GABRB3: variants seen among roughly 807,000 people sequenced by gnomAD.
GABRB3 encodes gamma-aminobutyric acid receptor subunit beta-3.
GABRB3 carries 14 observed loss-of-function variants against 52.1 expected under a neutral mutation model. The observed-to-expected ratio is 0.27, with a 90% confidence interval of 0.18 to 0.42. The LOEUF (loss-of-function observed/expected upper bound fraction) is 0.42. Ranked by LOEUF, GABRB3 falls within the 10% of genes least tolerant of loss-of-function variation. The pLI is 1.00. For missense variants in GABRB3, 307 were observed against 609.1 expected, an observed-to-expected ratio of 0.50 and a Z score of 5.22; for synonymous variants, 260 against 232.3, an observed-to-expected ratio of 1.12 and a Z score of -1.08.
chr15:26,718,558 C>T (rs972439999), intron 3 of GABRB3, among the ~76,000 whole-genome samples: 4 of 152,126 alleles, frequency 2.6e-5, no homozygotes, highest in African/African-American at 9.7e-5. Context: ...ACTAACGCTG[C>T]AAAACATTTT....
intron 8 of GABRB3, among the ~76,000 whole-genome samples, chr15:26,560,427 C>A (rs1889935607): frequency 6.6e-6 from 1 of 152,166 alleles, no homozygotes; most frequent in South Asian, 2.1e-4. Context: ...CAGCCCCAGT[C>A]CAAATGCCCT....
intron 3 of GABRB3, among the ~76,000 whole-genome samples, chr15:26,653,254 G>T (rs1887252930): frequency 6.6e-6 from 1 of 152,184 alleles, no homozygotes; most frequent in Admixed American, 6.5e-5. Flanking sequence ...GAGTCATGCA[G>T]AAAGAGGCCA....
chr15:26,687,728 C>T (rs908564206), intron 3 of GABRB3, among the ~76,000 whole-genome samples: 2 of 152,156 alleles, frequency 1.3e-5, no homozygotes, highest in South Asian at 2.1e-4. Context: ...TTTTCCACAC[C>T]GATTGCTTCT....
At chr15:26,595,033 T>C (rs1464181719) in intron 4 of GABRB3, among the ~76,000 whole-genome samples, 1 of 151,990 alleles carries the variant, frequency 6.6e-6, no homozygotes, top group East Asian at 1.9e-4. Context: ...GTGCATGGAG[T>C]TTTAAGTACT....
intron 3 of GABRB3, among the ~76,000 whole-genome samples, chr15:26,685,303 G>A (rs1888366953): frequency 6.6e-6 from 1 of 152,218 alleles, no homozygotes; most frequent in Non-Finnish European, 1.5e-5. Context: ...TCATAGCAGA[G>A]CTGAGGAATC....
At chr15:26,627,509 A>T (rs1892751022) in intron 3 of GABRB3, among the ~76,000 whole-genome samples, 1 of 151,740 alleles carries the variant, frequency 6.6e-6, no homozygotes, top group Non-Finnish European at 1.5e-5. Flanking sequence ...AACATTCATG[A>T]TTTATAGGAG....
At chr15:26,600,056 G>A (rs1185250061) in intron 4 of GABRB3, among the ~76,000 whole-genome samples, 1 of 151,768 alleles carries the variant, frequency 6.6e-6, no homozygotes, top group East Asian at 1.9e-4. Context: ...AAAAGAACCA[G>A]ATACAAATCT....
At chr15:26,625,986 T>A (rs905116885) in intron 3 of GABRB3, among the ~76,000 whole-genome samples, 1 of 152,204 alleles carries the variant, frequency 6.6e-6, no homozygotes, top group East Asian at 1.9e-4. Flanking sequence ...AGATACTGCA[T>A]TTTTAACAAT....
intron 4 of GABRB3, chr15:26,615,276 G>C: frequency 4.1e-6 from 4 of 985,168 alleles, no homozygotes; most frequent in Non-Finnish European, 4.8e-6. Flanking sequence ...TTCCTTAAAT[G>C]GTTTGACTGT....
At chr15:26,754,661 T>C (rs1406799004) in intron 3 of GABRB3, among the ~76,000 whole-genome samples, 1 of 152,178 alleles carries the variant, frequency 6.6e-6, no homozygotes, top group Non-Finnish European at 1.5e-5. Context: ...ATGTTACCCA[T>C]GTAGGCAAAG....
At chr15:26,764,182 ATATATATATAT>A (rs1890927091) in intron 3 of GABRB3, among the ~76,000 whole-genome samples, 1 of 4,562 alleles carries the variant, frequency 2.2e-4, no homozygotes, top group African/African-American at 9.7e-4. Context: ...AAAAAAAAAT[ATATATATATAT>A]ATATATATAT....
At chr15:26,579,753 G>A (rs80351451) in intron 6 of GABRB3, among the ~76,000 whole-genome samples, 1,525 of 152,298 alleles carry the variant, frequency 0.01, 33 homozygotes, top group African/African-American at 0.035. Context: ...AGCAGAAGAC[G>A]CCATCTCAAT....
At position 26,547,984 on chromosome 15, in the gene GABRB3, C is replaced by T; in HGVS notation, c.1231G>A (p.Gly411Arg). 1.2e-6 allele frequency: 2 copies of T among 1,614,188 alleles called. No individual in the cohort carries two copies. The highest frequency in any genetic ancestry group is 1.7e-6 in the Non-Finnish European group (2 of 1,180,044). Residue 411 changes from glycine (G) to arginine (R), a missense_variant, in exon 9 of 9, where the codon GGG becomes AGG. Transcript: ENST00000311550. ...CTGTCCCCCAGGAATCGCCCATGCC[C>T]TTCTCGAGGCATGCTCTGTTTCCTG... is the stretch of plus-strand genomic sequence containing the variant. Reference protein sequence around the residue: ...QYRKQSMPREGHGRFLGDRSL... With the variant: ...QYRKQSMPRERHGRFLGDRSL...
At chr15:26,699,636 A>G (rs1888862481) in intron 3 of GABRB3, among the ~76,000 whole-genome samples, 2 of 152,202 alleles carry the variant, frequency 1.3e-5, no homozygotes, top group African/African-American at 4.8e-5. Flanking sequence ...TTCTAGAAAT[A>G]AAATCAATAA....
chr15:26,650,528 C>T (rs537485490), intron 3 of GABRB3, among the ~76,000 whole-genome samples: 1 of 152,156 alleles, frequency 6.6e-6, no homozygotes, highest in South Asian at 2.1e-4. Flanking sequence ...AGCCAAATGC[C>T]TAGACAGATG....
At chr15:26,771,478 T>C (rs1474217017) in intron 3 of GABRB3, among the ~76,000 whole-genome samples, 2 of 152,192 alleles carry the variant, frequency 1.3e-5, no homozygotes, top group Admixed American at 6.5e-5. Flanking sequence ...TGCCAAACAA[T>C]TTCTTCCAAA....
chr15:26,598,898 T>C (rs187418077), intron 4 of GABRB3, among the ~76,000 whole-genome samples: 1 of 152,188 alleles, frequency 6.6e-6, no homozygotes. Flanking sequence ...GCTGATTTGG[T>C]TGCCTTCAGA....
intron 3 of GABRB3, chr15:26,716,593 T>C: frequency 7.1e-6 from 7 of 992,622 alleles, no homozygotes; most frequent in Non-Finnish European, 8.4e-6. Context: ...TCACATCAAC[T>C]TGTGAATCCC....
At chr15:26,678,676 T>A (rs1368715544) in intron 3 of GABRB3, among the ~76,000 whole-genome samples, 1 of 151,900 alleles carries the variant, frequency 6.6e-6, no homozygotes, top group Non-Finnish European at 1.5e-5. Flanking sequence ...GAAATATGGA[T>A]GGATCGACTC....
Sources: gnomAD v4.1 joint callset for allele counts (sites outside exome capture counted in the v4.1 genomes callset) on GRCh38, gnomAD v4.1.1 for gene constraint, MANE v1.5 for transcripts, NCBI Gene and HGNC (gene_info 2026-07-23, HGNC 2026-07-21) for gene names.